NT5C2: variants seen among roughly 807,000 people sequenced by gnomAD.
NT5C2 encodes cytosolic purine 5'-nucleotidase.
A neutral mutation model predicts 76.1 loss-of-function variants in NT5C2; 58 were observed. The observed-to-expected ratio is 0.76, with a 90% confidence interval of 0.62 to 0.95. The LOEUF is 0.95. Ranked by LOEUF, NT5C2 falls within the 40% of genes least tolerant of loss-of-function variation. The pLI is 0.00. For synonymous variants in NT5C2, 229 were observed against 237.4 expected, an observed-to-expected ratio of 0.96 and a Z score of 0.32; for missense variants, 478 against 690.3, an observed-to-expected ratio of 0.69 and a Z score of 3.45.
chr10:103,103,024 G>C (rs965744924), intron 6 of NT5C2, among the ~76,000 whole-genome samples: 3 of 152,056 alleles, frequency 2.0e-5, no homozygotes, highest in Non-Finnish European at 4.4e-5. Context: ...CAGTGAAGCA[G>C]AATTTGTTAA....
chr10:103,165,074 T>G (rs763869028), intron 3 of NT5C2, among the ~76,000 whole-genome samples: 1 of 152,192 alleles, frequency 6.6e-6, no homozygotes, highest in Non-Finnish European at 1.5e-5. Flanking sequence ...TAAGAAAAGG[T>G]GTCACTGTGA....
At chr10:103,182,157 T>C (rs756039044) in intron 1 of NT5C2, among the ~76,000 whole-genome samples, 2 of 152,204 alleles carry the variant, frequency 1.3e-5, no homozygotes, top group South Asian at 2.1e-4. Context: ...AGGTCAGTAA[T>C]TCATTTGGAA....
At chr10:103,182,934 TAAGC>T (rs1402467416) in intron 1 of NT5C2, among the ~76,000 whole-genome samples, 2 of 152,144 alleles carry the variant, frequency 1.3e-5, no homozygotes, top group African/African-American at 2.4e-5. Context: ...CCTTGGCAGA[TAAGC>T]AAGTAAAATC....
In NT5C2 at chr10:103,088,264, C is replaced by T. The variant is rs1373565552; in HGVS notation, c.*1408G>A. 6.6e-6 allele frequency: 1 copy of T among 152,210 alleles called. No homozygotes were observed. The highest frequency in any genetic ancestry group is 1.9e-4 in the East Asian group (1 of 5,202). 9.4% of individuals were successfully genotyped at this position (152,210 alleles called of 1,614,324 possible). A position where few individuals can be genotyped will look rare whatever the true frequency, so the allele number is the denominator to read the frequency against. On this transcript the variant is annotated 3_prime_UTR_variant, in exon 19 of 19. Coordinates refer to ENST00000404739, the MANE Select transcript of NT5C2 (RefSeq NM_001351169.2). ...CAATGGTTAAAGAAAGAGTCTATAACCACTGTTTGTTTAAAATGTTGAAAC... is the reference window on the plus strand; with the variant it reads ...CAATGGTTAAAGAAAGAGTCTATAATCACTGTTTGTTTAAAATGTTGAAAC...
Position 103,093,236 on chromosome 10 carries a change from A to C in NT5C2, c.1062T>G (p.Phe354Leu). Residue 354 changes from phenylalanine (F) to leucine (L), a missense_variant, in exon 15 of 19, where the codon TTT becomes TTG. Transcript: ENST00000404739. ...GTTTCTTTGATTTTAAAATGTCCCC[A>C]AAAATGTGATCTCCAATATACAAAA... is the stretch of plus-strand genomic sequence containing the variant. ...KDILYIGDHI[F>L]GDILKSKKRQ... 6.2e-7 allele frequency: 1 copy of C among 1,612,154 alleles called. No individual in the cohort carries two copies. The highest frequency in any genetic ancestry group is 1.1e-5 in the South Asian group (1 of 90,462).
intron 6 of NT5C2, 75 bp from the exon 7 acceptor site, chr10:103,101,401 A>C (rs2069605205): frequency 3.6e-6 from 3 of 829,606 alleles, no homozygotes; most frequent in Non-Finnish European, 5.8e-6. Context: ...TTATTCAAAA[A>C]TTAACTCAAA....
intron 3 of NT5C2, among the ~76,000 whole-genome samples, chr10:103,163,024 A>C (rs2085324776): frequency 6.6e-6 from 1 of 152,190 alleles, no homozygotes; most frequent in Admixed American, 6.5e-5. Context: ...CTTTGAGACT[A>C]TCATATAAAT....
At chr10:103,093,655 C>A (rs767872430) in intron 14 of NT5C2, 1 of 393,060 alleles carries the variant, frequency 2.5e-6, no homozygotes, top group Non-Finnish European at 4.6e-6. Flanking sequence ...TGTACCTATA[C>A]CCATGGAACT....
At chr10:103,143,080 C>T (rs181768561) in intron 3 of NT5C2, among the ~76,000 whole-genome samples, 1 of 152,190 alleles carries the variant, frequency 6.6e-6, no homozygotes, top group African/African-American at 2.4e-5. Flanking sequence ...ATCCTTTCCA[C>T]TTGATCCTCA....
At chr10:103,190,411 C>T (rs1418834444) in intron 1 of NT5C2, among the ~76,000 whole-genome samples, 1 of 152,208 alleles carries the variant, frequency 6.6e-6, no homozygotes, top group Non-Finnish European at 1.5e-5. Context: ...TCTCCCTACT[C>T]TGAAGTGTTA....
At position 103,094,033 on chromosome 10, in the gene NT5C2, A is replaced by G. The variant is rs1252193338; in HGVS notation, c.927T>C (p.Thr309=). The change falls in exon 14 of 19, where the codon ACT becomes ACC. Residue 309 remains threonine (T), a synonymous_variant. Transcript: ENST00000404739. ...GTVLRQVDTK[T]GKLKIGTYTG... is the part of the protein sequence containing the mutation. The stretch of plus-strand genomic sequence containing the variant: ...TGTAGGTACCAATTTTCAGCTTGCC[A>G]GTTTTCTGTATGAAGAATATGGATT... 3 of 1,613,118 alleles carry G rather than the reference A, an allele frequency of 1.9e-6. No homozygotes were observed. The highest frequency in any genetic ancestry group is 2.2e-5 in the South Asian group (2 of 91,052).
intron 15 of NT5C2, among the ~76,000 whole-genome samples, chr10:103,092,030 T>TA (rs2067049873): frequency 6.6e-6 from 1 of 152,198 alleles, no homozygotes; most frequent in East Asian, 1.9e-4. Flanking sequence ...CCAAATCAAC[T>TA]AGATTTCTAA....
intron 3 of NT5C2, among the ~76,000 whole-genome samples, chr10:103,162,083 T>C (rs1368548961): frequency 7.2e-5 from 11 of 152,222 alleles, no homozygotes; most frequent in Admixed American, 7.2e-4. Context: ...TGGTGCAATC[T>C]TGGCTCACTG....
intron 4 of NT5C2, among the ~76,000 whole-genome samples, chr10:103,134,156 T>A (rs2078748526): frequency 6.6e-6 from 1 of 152,146 alleles, no homozygotes; most frequent in Non-Finnish European, 1.5e-5. Flanking sequence ...TCAAGCCCTG[T>A]ACAGAAATTT....
chr10:103,108,981 C>G (rs2072188586), intron 4 of NT5C2, among the ~76,000 whole-genome samples: 1 of 152,054 alleles, frequency 6.6e-6, no homozygotes, highest in South Asian at 2.1e-4. Flanking sequence ...GACTCAGCCT[C>G]CCAAGTAGCT....
chr10:103,181,688 G>A (rs1007186778), intron 1 of NT5C2, among the ~76,000 whole-genome samples: 1 of 152,040 alleles, frequency 6.6e-6, no homozygotes, highest in African/African-American at 2.4e-5. Flanking sequence ...TATTCTTCAC[G>A]CCCAAACTGA....
intron 3 of NT5C2, among the ~76,000 whole-genome samples, chr10:103,145,641 G>C (rs879689064): frequency 2.6e-5 from 4 of 152,130 alleles, no homozygotes; most frequent in Admixed American, 6.5e-5. Context: ...GCCCTAGAAA[G>C]CATGACTAAA....
chr10:103,099,830 T>TA (rs1564953037), intron 9 of NT5C2, 96 bp downstream of exon 9: 5 of 770,930 alleles, frequency 6.5e-6, no homozygotes, highest in East Asian at 2.6e-5. Context: ...TTTCTTTTTT[T>TA]AAAAAAAGAA....
At chr10:103,177,850 G>C (rs1328617657) in intron 2 of NT5C2, among the ~76,000 whole-genome samples, 2 of 152,142 alleles carry the variant, frequency 1.3e-5, no homozygotes, top group Non-Finnish European at 2.9e-5. Flanking sequence ...GTGGCATTTA[G>C]TGCAACCACC....
Sources: gnomAD v4.1 joint callset for allele counts (sites outside exome capture counted in the v4.1 genomes callset) on GRCh38, gnomAD v4.1.1 for gene constraint, MANE v1.5 for transcripts, NCBI Gene and HGNC (gene_info 2026-07-23, HGNC 2026-07-21) for gene names.